The following GNB5 variants were observed in gnomAD, a reference collection of about 807,000 sequenced individuals.
GNB5 encodes guanine nucleotide-binding protein subunit beta-5.
GNB5 carries 37 observed loss-of-function variants against 55.3 expected under a neutral mutation model. The observed-to-expected ratio is 0.67, with a 90% CI of 0.51 to 0.88. GNB5 has a LOEUF of 0.88. Among genes scored for constraint, GNB5 ranks in the 40% least tolerant of loss-of-function variants. GNB5 has a pLI of 0.00. For missense variants in GNB5, 476 were observed against 515.3 expected (o/e 0.92, Z 0.74); for synonymous variants, 219 against 198.5 (o/e 1.10, Z -0.87).
At chr15:52,182,440 G>C (rs767074036) in intron 2 of GNB5, among the ~76,000 whole-genome samples, 10 of 152,124 alleles carry the variant, frequency 6.6e-5, no homozygotes, top group Non-Finnish European at 1.3e-4. Flanking sequence ...CCCTCTTCTG[G>C]GGGTTCTTTG....
intron 1 of GNB5, among the ~76,000 whole-genome samples, chr15:52,189,108 A>G (rs993883526): frequency 2.6e-5 from 4 of 152,218 alleles, no homozygotes; most frequent in Admixed American, 6.5e-5. Context: ...CTTTTAAAAT[A>G]CTGCTTCATT....
intron 3 of GNB5, among the ~76,000 whole-genome samples, chr15:52,162,459 A>C (rs2034355525): frequency 6.6e-6 from 1 of 152,346 alleles, no homozygotes; most frequent in South Asian, 2.1e-4. Flanking sequence ...GCAATGAAAA[A>C]ACAAGGAACC....
chr15:52,145,204 C>A (rs2033944814), intron 6 of GNB5, among the ~76,000 whole-genome samples: 1 of 151,924 alleles, frequency 6.6e-6, no homozygotes, highest in African/African-American at 2.4e-5. Flanking sequence ...ACATGTAGTA[C>A]AAATATATAT....
intron 3 of GNB5, among the ~76,000 whole-genome samples, chr15:52,167,256 G>A (rs994769879): frequency 2.0e-5 from 3 of 152,112 alleles, no homozygotes; most frequent in Non-Finnish European, 4.4e-5. Context: ...GTACAAAGAG[G>A]GGCTGGTACC....
At chr15:52,176,946 G>A (rs551153531) in intron 3 of GNB5, among the ~76,000 whole-genome samples, 41 of 150,724 alleles carry the variant, frequency 2.7e-4, no homozygotes, top group Admixed American at 4.6e-4. Flanking sequence ...CTCCCCTCCA[G>A]ACACACCTGC....
At chr15:52,155,997 T>C (rs1463061091) in intron 3 of GNB5, among the ~76,000 whole-genome samples, 1 of 152,222 alleles carries the variant, frequency 6.6e-6, no homozygotes, top group Non-Finnish European at 1.5e-5. Context: ...GAATGAGTGA[T>C]TGTGATGATG....
At chr15:52,147,868 C>T (rs1461272608) in intron 5 of GNB5, among the ~76,000 whole-genome samples, 1 of 152,094 alleles carries the variant, frequency 6.6e-6, no homozygotes, top group Non-Finnish European at 1.5e-5. Context: ...CGGGTGTGAG[C>T]CCCCATGCCC....
chr15:52,130,939 C>A (rs1408901980), intron 9 of GNB5, among the ~76,000 whole-genome samples: 1 of 152,250 alleles, frequency 6.6e-6, no homozygotes, highest in African/African-American at 2.4e-5. Context: ...GATTCTTGTG[C>A]CTTAGCCTCC....
At chr15:52,176,851 G>A (rs957049787) in intron 3 of GNB5, among the ~76,000 whole-genome samples, 5 of 151,924 alleles carry the variant, frequency 3.3e-5, no homozygotes, top group Non-Finnish European at 5.9e-5. Flanking sequence ...CAACTCACTG[G>A]GAGTAAGAGC....
rs1042322499 is a variant in GNB5, at chr15:52,128,223, G to A, written c.885C>T (p.Ala295=). The change falls in exon 10 of 13, where the codon GCC becomes GCT. Residue 295 remains alanine, a synonymous_variant. Coordinates refer to ENST00000261837, the MANE Select transcript of GNB5 (RefSeq NM_016194.4). ...NSVRYYPSGD[A]FASGSDDATC... ...TAGCGTCATCTGACCCTGAAGCAAA[G>A]GCATCTCCACTGGGGTAGTACCTGC... 5.6e-6 allele frequency: 9 copies of A among 1,611,384 alleles called. No homozygotes were observed. Among genetic ancestry groups the A allele is most frequent in the Non-Finnish European group, 6.8e-6 (8 of 1,177,680 alleles).
intron 4 of GNB5, among the ~76,000 whole-genome samples, chr15:52,153,464 T>C (rs1168452700): frequency 1.3e-5 from 2 of 152,172 alleles, no homozygotes; most frequent in African/African-American, 2.4e-5. Context: ...TTGGGGGTAA[T>C]TTTTTGGAGG....
At chr15:52,144,029 C>T (rs1461131224) in intron 6 of GNB5, 2 of 152,250 alleles carry the variant, frequency 1.3e-5, no homozygotes, top group African/African-American at 2.4e-5. Flanking sequence ...CTAGCACCTC[C>T]CACATGCCAG....
chr15:52,165,238 T>C (rs1428195417), intron 3 of GNB5, among the ~76,000 whole-genome samples: 1 of 152,148 alleles, frequency 6.6e-6, no homozygotes, highest in Admixed American at 6.5e-5. Flanking sequence ...TACAACTGAT[T>C]AGGGTACCTG....
At chr15:52,135,551 C>T in intron 8 of GNB5, 62 bp downstream of exon 8, 10 of 1,430,824 alleles carry the variant, frequency 7.0e-6, no homozygotes, top group South Asian at 1.2e-5. Flanking sequence ...TGGACAAGAA[C>T]TGCCACCATA....
chr15:52,117,795 A>T lies in GNB5; in HGVS notation c.*4962T>A, dbSNP rs2033175480. 6.6e-6 allele frequency: 1 copy of T among 152,352 alleles called. No homozygotes were observed. Among genetic ancestry groups the T allele is most frequent in the African/African-American group, 2.4e-5 (1 of 41,474 alleles). 9.4% of individuals were successfully genotyped at this position (152,352 alleles called of 1,614,324 possible). A position where few individuals can be genotyped will look rare whatever the true frequency, so the allele number is the denominator to read the frequency against. On this transcript the variant is annotated 3_prime_UTR_variant, in exon 13 of 13. Coordinates refer to ENST00000261837, the MANE Select transcript of GNB5 (RefSeq NM_016194.4). ...GGCCTCCCCAGTGGGCCTCCGGCTC[A>T]GATTTCCTGGCCCACCTCAGGCCCG...
chr15:52,176,404 C>T (rs2034651561), intron 3 of GNB5, among the ~76,000 whole-genome samples: 1 of 152,228 alleles, frequency 6.6e-6, no homozygotes, highest in Non-Finnish European at 1.5e-5. Flanking sequence ...GGAAAAATGA[C>T]AGCACTGTTG....
chr15:52,172,673 TGA>T (rs1412168609), intron 3 of GNB5, among the ~76,000 whole-genome samples: 1 of 151,952 alleles, frequency 6.6e-6, no homozygotes, highest in Non-Finnish European at 1.5e-5. Context: ...CCCAGCTACT[TGA>T]GAGGCTGAGG....
At chr15:52,161,300 G>C (rs2034326141) in intron 3 of GNB5, among the ~76,000 whole-genome samples, 1 of 152,112 alleles carries the variant, frequency 6.6e-6, no homozygotes, top group African/African-American at 2.4e-5. Context: ...GATCCTCCAT[G>C]CCTCTTTCTT....
chr15:52,137,205 G>C, intron 7 of GNB5: 1 of 1,147,266 alleles, frequency 8.7e-7, no homozygotes, highest in Non-Finnish European at 1.1e-6. Context: ...AGCTTTGCTT[G>C]GTTGCAAGTA....
Sources: allele counts gnomAD v4.1 joint callset (sites outside exome capture counted in the v4.1 genomes callset), GRCh38; gene constraint gnomAD v4.1.1; transcripts MANE v1.5; gene names NCBI Gene and HGNC (gene_info 2026-07-23, HGNC 2026-07-21).